Variants in AHNAK observed in about 807,000 individuals in gnomAD.
AHNAK encodes AHNAK nucleoprotein.
AHNAK carries 23 observed loss-of-function variants against 37.8 expected under a neutral mutation model. That is an observed-to-expected ratio of 0.61 (90% CI 0.44 to 0.86). The LOEUF (loss-of-function observed/expected upper bound fraction) is 0.86. Among genes scored for constraint, AHNAK ranks in the 40% least tolerant of loss-of-function variants. The pLI is 0.00. For missense variants in AHNAK, 7,411 were observed against 7,319.4 expected, an observed-to-expected ratio of 1.01 and a Z score of -0.46; for synonymous variants, 2,481 against 2,636.3, an observed-to-expected ratio of 0.94 and a Z score of 1.80.
In AHNAK at chr11:62,518,757, T is replaced by C. The variant is rs1940117955; in HGVS notation, c.15660A>G (p.Pro5220=). ...CTTCTGGACCTTGCAGATCTACATC[T>C]GGTCCTTCCAGTCCCACGCTGGGGA... The part of the protein sequence containing the change: ...GDVPSVGLEG[P]DVDLQGPEAK... The change falls in exon 5 of 5, where the codon CCA becomes CCG. Residue 5220 remains proline (P), a synonymous_variant. Transcript: ENST00000378024. 1 of 1,614,244 alleles carries C rather than the reference T, an allele frequency of 6.2e-7. No individual in the cohort carries two copies. The highest frequency in any genetic ancestry group is 8.5e-7 in the Non-Finnish European group (1 of 1,180,036).
chr11:62,504,252 C>T (rs555663579), intron 4 of AHNAK, among the ~76,000 whole-genome samples: 1 of 152,038 alleles, frequency 6.6e-6, no homozygotes, highest in African/African-American at 2.4e-5. Flanking sequence ...TCAAGAGACA[C>T]GCAATTTTTG....
At chr11:62,434,465 G>A (rs896060705) in intron 5 of AHNAK, among the ~76,000 whole-genome samples, 7 of 151,960 alleles carry the variant, frequency 4.6e-5, no homozygotes, top group Admixed American at 1.3e-4. Flanking sequence ...TCCTCCCCGA[G>A]TCACACCCAA....
intron 4 of AHNAK, among the ~76,000 whole-genome samples, chr11:62,494,751 C>T (rs890088676): frequency 2.0e-5 from 3 of 152,064 alleles, no homozygotes; most frequent in Non-Finnish European, 4.4e-5. Context: ...TGGCTCACGC[C>T]TATAATCCCA....
At chr11:62,457,679 A>G (rs1938690151) in intron 5 of AHNAK, among the ~76,000 whole-genome samples, 1 of 152,132 alleles carries the variant, frequency 6.6e-6, no homozygotes, top group Non-Finnish European at 1.5e-5. Context: ...ATTAACATGA[A>G]AACAGAAAGC....
At position 62,516,151 on chromosome 11, in the gene AHNAK, G is replaced by A. The variant is rs761352072; in HGVS notation, c.*593C>T. ...AAACAGATTCTAATTTCCTCTCACC[G>A]TCAGCACCAAACTGGCTGGGACCAC... On this transcript the variant is annotated 3_prime_UTR_variant, in exon 5 of 5. Transcript: ENST00000378024. 1.0e-4 allele frequency: 135 copies of A among 1,288,330 alleles called. No homozygotes were observed. The highest frequency in any genetic ancestry group is 2.2e-4 in the East Asian group (4 of 18,024). 79.8% of individuals were successfully genotyped at this position (1,288,330 alleles called of 1,614,324 possible). A position where few individuals can be genotyped will look rare whatever the true frequency, so the allele number is the denominator to read the frequency against.
intron 5 of AHNAK, among the ~76,000 whole-genome samples, chr11:62,484,070 T>G (rs1939339235): frequency 7.0e-6 from 1 of 143,016 alleles, no homozygotes. Context: ...AGGGCATGCA[T>G]AGAGCAGTGT....
downstream of AHNAK, among the ~76,000 whole-genome samples, chr11:62,511,681 C>T (rs1939916608): frequency 6.6e-6 from 1 of 152,140 alleles, no homozygotes; most frequent in African/African-American, 2.4e-5. Flanking sequence ...ATGATCATAC[C>T]TTAAATTCTA....
chr11:62,536,594 G>C (rs1212597431), intron 1 of AHNAK, 27 bp from the exon 2 acceptor site: 2 of 152,728 alleles, frequency 1.3e-5, no homozygotes, highest in Non-Finnish European at 2.9e-5. Flanking sequence ...GATGATGCTC[G>C]CACTCCGGTC....
intron 5 of AHNAK, among the ~76,000 whole-genome samples, chr11:62,480,254 T>C (rs1016664421): frequency 2.0e-5 from 3 of 152,194 alleles, no homozygotes; most frequent in African/African-American, 7.2e-5. Flanking sequence ...GTTGATACTT[T>C]AGGGGTGGGA....
chr11:62,482,727 A>T (rs1176628612), intron 5 of AHNAK, among the ~76,000 whole-genome samples: 1 of 152,186 alleles, frequency 6.6e-6, no homozygotes, highest in Non-Finnish European at 1.5e-5. Context: ...GTCTCCATCT[A>T]GCATGGTAGA....
chr11:62,445,916 T>C (rs898419736), intron 5 of AHNAK, among the ~76,000 whole-genome samples: 1 of 150,220 alleles, frequency 6.7e-6, no homozygotes, highest in African/African-American at 2.5e-5. Flanking sequence ...CTCAGGAGGC[T>C]GAGGCAGGAG....
chr11:62,530,040 A>T lies in AHNAK; in HGVS notation c.4377T>A (p.His1459Gln), dbSNP rs764942480. ...CTCCTTTCATTTTAGGACCTTTCAA[A>T]TGCAAACCAACATCTGGTATGGATA... ...QKISIPDVGL[H>Q]LKGPKMKGDY... Residue 1459 changes from histidine to glutamine, a missense_variant, in exon 5 of 5, where the codon CAT becomes CAA. His to Gln is a conservative substitution (Grantham distance 24). Transcript: ENST00000378024. The T allele has an allele frequency of 1.4e-5, 23 of 1,613,808 alleles. No individual in the cohort carries two copies. The African/African-American group carries it at 2.8e-4, about 20-fold the overall frequency.
chr11:62,528,536 G>T lies in AHNAK; in HGVS notation c.5881C>A (p.Pro1961Thr), dbSNP rs771736303. 6.2e-7 allele frequency: 1 copy of T among 1,611,328 alleles called. No homozygotes were observed. The highest frequency in any genetic ancestry group is 8.5e-7 in the Non-Finnish European group (1 of 1,179,596). Reference protein sequence around the residue: ...LTGPSVGVEVPDVELECPDAK... With the variant: ...LTGPSVGVEVTDVELECPDAK... ...TCAGGACACTCCAGCTCAACATCAG[G>T]CACCTCCACACCCACACTGGGACCT... Residue 1961 changes from proline to threonine, a missense_variant, in exon 5 of 5, where the codon CCT (proline) becomes ACT (threonine). Pro to Thr is a conservative substitution (Grantham distance 38). Coordinates refer to ENST00000378024, the MANE Select transcript of AHNAK (RefSeq NM_001620.3).
chr11:62,529,263 G>A lies in AHNAK; in HGVS notation c.5154C>T (p.Pro1718=), dbSNP rs1421617667. ...CTTTGAAGCCAGGCATACTGAACTTGGGCATTTTCATCTTGGGCATTTTCA... is the reference window on the plus strand; with the variant it reads ...CTTTGAAGCCAGGCATACTGAACTTAGGCATTTTCATCTTGGGCATTTTCA... The part of the protein sequence containing the change: ...WHLKMPKMKM[P]KFSMPGFKAE... The change falls in exon 5 of 5, where the codon CCC becomes CCT. Residue 1718 remains proline (P), a synonymous_variant. Transcript: ENST00000378024. 2.5e-6 allele frequency: 4 copies of A among 1,614,124 alleles called. No individual in the cohort carries two copies. The South Asian group carries it at 3.3e-5, about 13-fold the overall frequency.
At position 62,518,999 on chromosome 11, in the gene AHNAK, C is replaced by T. The variant is rs1187967479; in HGVS notation, c.15418G>A (p.Ala5140Thr). Residue 5140 changes from alanine to threonine, a missense_variant, in exon 5 of 5, where the codon GCT (alanine) becomes ACT (threonine). Transcript: ENST00000378024. ...HVEGLDIKAK[A>T]PKVKMPDVDI... The stretch of plus-strand genomic sequence containing the variant: ...ACATCTGGCATCTTGACCTTGGGAG[C>T]CTTCGCCTTGATGTCAAGACCTTCG... 6.2e-7 allele frequency: 1 copy of T among 1,614,092 alleles called. No individual in the cohort carries two copies. The highest frequency in any genetic ancestry group is 8.5e-7 in the Non-Finnish European group (1 of 1,180,004).
intron 5 of AHNAK, among the ~76,000 whole-genome samples, chr11:62,460,987 A>ATTTT (rs58443970): frequency 1.2e-4 from 12 of 103,626 alleles, no homozygotes; most frequent in African/African-American, 3.1e-4. Context: ...GGCCTGGCTA[A>ATTTT]TTTTTTTTTT....
intron 5 of AHNAK, among the ~76,000 whole-genome samples, chr11:62,462,876 A>T (rs1938821420): frequency 6.6e-6 from 1 of 152,166 alleles, no homozygotes; most frequent in Admixed American, 6.6e-5. Context: ...CACGCCTATG[A>T]TCCCAGCACT....
At chr11:62,507,311 AT>A (rs1300460571) in intron 4 of AHNAK, among the ~76,000 whole-genome samples, 4 of 152,164 alleles carry the variant, frequency 2.6e-5, no homozygotes, top group Non-Finnish European at 5.9e-5. Context: ...TACCCACCTC[AT>A]GTGGTTGTTG....
In AHNAK at chr11:62,519,820, TCTC is replaced by T. The variant is rs1940164715; in HGVS notation, c.14594_14596del (p.Gly4865del). Reference sequence around the variant, plus strand: ...AACCTTAGGGACAGACACATCAAAATCTCCTTTTACTTTGGGTCCTTTCAAATC... The same window carrying T: ...AACCTTAGGGACAGACACATCAAAATCTTTTACTTTGGGTCCTTTCAAATC... On this transcript the variant is annotated inframe_deletion, in exon 5 of 5. Coordinates refer to ENST00000378024, the MANE Select transcript of AHNAK (RefSeq NM_001620.3). 5.0e-6 allele frequency: 8 copies of T among 1,614,102 alleles called. No homozygotes were observed. Among genetic ancestry groups the T allele is most frequent in the Non-Finnish European group, 6.8e-6 (8 of 1,179,996 alleles).
Sources: allele counts gnomAD v4.1 joint callset (sites outside exome capture counted in the v4.1 genomes callset), GRCh38; gene constraint gnomAD v4.1.1; transcripts MANE v1.5; gene names NCBI Gene and HGNC (gene_info 2026-07-23, HGNC 2026-07-21).